MCM6: variants seen among roughly 807,000 people sequenced by gnomAD.
The protein encoded by MCM6 is DNA replication licensing factor MCM6.
Under a neutral mutation model 94.3 loss-of-function variants are expected in MCM6, and 46 were observed. That is an observed-to-expected ratio of 0.49 (90% CI 0.39 to 0.62). MCM6 has a LOEUF of 0.62. Ranked by LOEUF, MCM6 falls within the 20% of genes least tolerant of loss-of-function variation. The pLI, the probability that MCM6 is intolerant of heterozygous loss-of-function variation, is 0.00. For missense variants in MCM6, 865 were observed against 1,017.9 expected (o/e 0.85, Z 2.04); for synonymous variants, 335 against 351.9 (o/e 0.95, Z 0.54).
chr2:135,848,107 C>T lies in MCM6; in HGVS notation c.1999G>A (p.Asp667Asn). ...TCCATCTGGATCTCTTCCTCTTGATCTAGATTGACATCAGGTGTTTCCACA... is the reference window on the plus strand; with the variant it reads ...TCCATCTGGATCTCTTCCTCTTGATTTAGATTGACATCAGGTGTTTCCACA... ...IRVETPDVNL[D>N]QEEEIQMEVD... The change falls in exon 14 of 17, where the codon GAT becomes AAT. Residue 667 changes from aspartate to asparagine, a missense_variant. By Grantham distance (23) the Asp-to-Asn change is conservative (BLOSUM62 1). Coordinates refer to ENST00000264156, the MANE Select transcript of MCM6 (RefSeq NM_005915.6). 1 of 1,611,466 alleles carries T rather than the reference C, an allele frequency of 6.2e-7. No individual in the cohort carries two copies. The highest frequency in any genetic ancestry group is 8.5e-7 in the Non-Finnish European group (1 of 1,177,658).
At position 135,840,577 on chromosome 2, in the gene MCM6, T is replaced by G; in HGVS notation, c.*258A>C. 2.4e-6 allele frequency: 1 copy of G among 412,012 alleles called. No individual in the cohort carries two copies. Among genetic ancestry groups the G allele is most frequent in the South Asian group, 3.5e-5 (1 of 28,724 alleles). The allele number at this position is 412,012 out of a possible 1,614,324, so 25.5% of individuals were successfully genotyped here. ...TACACATGAAAACAAAGGTATTGGT[T>G]ATAGAGACTACACATTATTTGGTTC... On this transcript the variant is annotated 3_prime_UTR_variant, in exon 17 of 17. Coordinates refer to ENST00000264156, the MANE Select transcript of MCM6 (RefSeq NM_005915.6).
chr2:135,846,325 A>G lies in MCM6; in HGVS notation c.2121T>C (p.Ser707=). 1 of 1,614,118 alleles carries G rather than the reference A, an allele frequency of 6.2e-7. No individual in the cohort carries two copies. The highest frequency in any genetic ancestry group is 1.7e-5 in the Admixed American group (1 of 60,016). The change falls in exon 15 of 17, where the codon TCT becomes TCC. Residue 707 remains serine, a synonymous_variant. Coordinates refer to ENST00000264156, the MANE Select transcript of MCM6 (RefSeq NM_005915.6). Reference sequence around the variant, plus strand: ...CCAGCCTTAAGGAGGCTTTGGGAGCAGACTCTTGATTTATGTCTTCATTGT... The same window carrying G: ...CCAGCCTTAAGGAGGCTTTGGGAGCGGACTCTTGATTTATGTCTTCATTGT... ...NGYNEDINQE[S]APKASLRLGF... is the part of the protein sequence containing the mutation.
rs750328191 is a variant in MCM6, at chr2:135,844,594, A to G, written c.2300T>C (p.Ile767Thr). 2.5e-6 allele frequency: 4 copies of G among 1,582,528 alleles called. No homozygotes were observed. The East Asian group carries it at 7.0e-5, about 28-fold the overall frequency. Residue 767 changes from isoleucine (I) to threonine (T), a missense_variant, in exon 16 of 17, where the codon ATA (isoleucine) becomes ACA (threonine). This residue lies in a region of MCM6 where 308 missense variants were observed against 324.5 expected (regional missense o/e 0.95). Transcript: ENST00000264156. ...ESEIDSEEELINKKRIIEKVI... is the reference protein window; with the variant it reads ...ESEIDSEEELTNKKRIIEKVI... ...TTTCTCTATGATTCTTTTTTTATTT[A>G]TAAGTTCTTCTTCAGAGTCTATCTC...
At chr2:135,841,999 G>A (rs2105569355) in intron 16 of MCM6, among the ~76,000 whole-genome samples, 1 of 152,214 alleles carries the variant, frequency 6.6e-6, no homozygotes, top group Non-Finnish European at 1.5e-5. Flanking sequence ...CAGCTACTCT[G>A]GAGGCTGAGA....
chr2:135,860,468 A>G (rs952870884), intron 8 of MCM6, among the ~76,000 whole-genome samples: 3 of 152,216 alleles, frequency 2.0e-5, no homozygotes, highest in African/African-American at 4.8e-5. Flanking sequence ...TTTAATAGTA[A>G]TAAACAGCAA....
chr2:135,841,428 TAAAA>T, intron 16 of MCM6, among the ~76,000 whole-genome samples: 1 of 150,460 alleles, frequency 6.6e-6, no homozygotes, highest in East Asian at 1.9e-4. Flanking sequence ...TCTGAGCTAA[TAAAA>T]AAAAAGGTAG....
intron 16 of MCM6, among the ~76,000 whole-genome samples, chr2:135,841,954 A>G (rs1461713038): frequency 6.6e-6 from 1 of 151,978 alleles, no homozygotes; most frequent in African/African-American, 2.4e-5. Flanking sequence ...AAAATACAAA[A>G]ATTAGCTGGG....
Position 135,862,601 on chromosome 2 carries a change from G to C in MCM6, c.1220+6C>G. 6.2e-7 allele frequency: 1 copy of C among 1,613,972 alleles called. No homozygotes were observed. ...TCCTGCAACACTGTATCAGGCAAAC[G>C]CTTACTTGAGAAATTGGCTCTTAGC... is the stretch of plus-strand genomic sequence containing the variant. On this transcript the variant is annotated splice_donor_region_variant and intron_variant, in intron 8 of 16. Transcript: ENST00000264156.
chr2:135,848,151 A>G lies in MCM6; in HGVS notation c.1955T>C (p.Leu652Pro). The G allele has an allele frequency of 6.2e-7, 1 of 1,611,846 alleles. No individual in the cohort carries two copies. Residue 652 changes from leucine to proline, a missense_variant, in exon 14 of 17, where the codon CTG becomes CCG. By Grantham distance (98) the Leu-to-Pro change is moderately conservative. Coordinates refer to ENST00000264156, the MANE Select transcript of MCM6 (RefSeq NM_005915.6). ...PKHVKEAFRL[L>P]NKSIIRVETP... ...TTCCACACGGATGATTGATTTATTCAGTAACCGGAAAGCTTCCTTCACATG... is the reference window on the plus strand; with the variant it reads ...TTCCACACGGATGATTGATTTATTCGGTAACCGGAAAGCTTCCTTCACATG...
intron 1 of MCM6, 30 bp downstream of exon 1, chr2:135,876,229 G>A (rs1286031484): frequency 2.6e-6 from 4 of 1,538,640 alleles, no homozygotes; most frequent in Middle Eastern, 2.0e-4. Flanking sequence ...CTCCGGAGGC[G>A]GGCGAGGCCC....
chr2:135,876,380 G>A lies in MCM6; in HGVS notation c.-15C>T, dbSNP rs759228878. ...GCGAGGTCCATATTTGCTTAGTGCC[G>A]AGGATTCGCCTGCGCCACGCTCGAC... On this transcript the variant is annotated 5_prime_UTR_variant, in exon 1 of 17. Transcript: ENST00000264156. The A allele has an allele frequency of 1.9e-6, 3 of 1,590,202 alleles. No homozygotes were observed. The highest frequency in any genetic ancestry group is 2.7e-5 in the African/African-American group (2 of 74,166).
At chr2:135,841,973 C>G (rs181833279) in intron 16 of MCM6, among the ~76,000 whole-genome samples, 2 of 151,884 alleles carry the variant, frequency 1.3e-5, no homozygotes, top group African/African-American at 4.8e-5. Context: ...GGAGTGGTGG[C>G]GGGCACCTGT....
intron 13 of MCM6, among the ~76,000 whole-genome samples, chr2:135,849,456 T>C (rs1442310435): frequency 6.6e-6 from 1 of 152,228 alleles, no homozygotes; most frequent in Non-Finnish European, 1.5e-5. Flanking sequence ...CGTTACTGAA[T>C]AGGAAAAATC....
Position 135,843,618 on chromosome 2 carries a change from T to G in MCM6, c.2349+927A>C, listed in dbSNP as rs1346634571. On this transcript the variant is annotated intron_variant, in intron 16 of 16. Transcript: ENST00000264156. ...AGCCGGGCGTGGTGGCCGGCGCCTG[T>G]AATCCTACTTGGGAGGCTGAGACAG... 2.7e-5 allele frequency among the ~76,000 whole-genome samples: 4 copies of G among 150,074 alleles called. No homozygotes were observed. In the East Asian group the frequency reaches 7.8e-4, roughly 29 times the overall value.
chr2:135,876,251 C>A lies in MCM6; in HGVS notation c.107+8G>T, dbSNP rs1472167121. On this transcript the variant is annotated splice_region_variant and intron_variant, in intron 1 of 16. Coordinates refer to ENST00000264156, the MANE Select transcript of MCM6 (RefSeq NM_005915.6). ...GGCGGGCGAGGCCCGGGGCGCTCGC[C>A]GACTTACTCCTCCAAGAAGTCCAGG... is the stretch of plus-strand genomic sequence containing the variant. 6.3e-7 allele frequency: 1 copy of A among 1,590,920 alleles called. No homozygotes were observed. The highest frequency in any genetic ancestry group is 1.1e-5 in the South Asian group (1 of 89,088).
intron 16 of MCM6, among the ~76,000 whole-genome samples, chr2:135,843,512 C>T (rs1052879357): frequency 4.6e-5 from 7 of 151,844 alleles, no homozygotes; most frequent in Non-Finnish European, 8.8e-5. Context: ...GTGAGCGTAT[C>T]GCCTGAGGTT....
rs1248013806 is a variant in MCM6, at chr2:135,853,317, A to G, written c.1627-402T>C. On this transcript the variant is annotated intron_variant, in intron 11 of 16. Coordinates refer to ENST00000264156, the MANE Select transcript of MCM6 (RefSeq NM_005915.6). ...AAACTAGCTGGGCATGGTGGTGCACATGTGTAATCCCAGCTACTCAGGTGG... is the reference window on the plus strand; with the variant it reads ...AAACTAGCTGGGCATGGTGGTGCACGTGTGTAATCCCAGCTACTCAGGTGG... 2.0e-5 allele frequency among the ~76,000 whole-genome samples: 3 copies of G among 152,144 alleles called. No homozygotes were observed. The South Asian group carries it at 6.2e-4, about 31-fold the overall frequency.
At chr2:135,863,125 T>C (rs1043678447) in intron 7 of MCM6, among the ~76,000 whole-genome samples, 1 of 152,206 alleles carries the variant, frequency 6.6e-6, no homozygotes, top group Non-Finnish European at 1.5e-5. Context: ...TCCTTTTTAA[T>C]GCCAGTTCTT....
chr2:135,866,593 C>T lies in MCM6; in HGVS notation c.751G>A (p.Val251Met). Residue 251 changes from valine (V) to methionine (M), a missense_variant, in exon 5 of 17, where the codon GTG becomes ATG. Val to Met is a conservative substitution (Grantham distance 21). Around this residue, in one of 3 missense-constraint regions of MCM6, gnomAD observed 404 missense variants for 451.9 expected, o/e 0.89. Transcript: ENST00000264156. ...KCDFTGTLIV[V>M]PDVSKLSTPG... ...GTGCTAAGCTTGGAGACGTCAGGCA[C>T]AACAATCAGTGTCCCTGTAAAGTCA... 1 of 1,613,512 alleles carries T rather than the reference C, an allele frequency of 6.2e-7. No homozygotes were observed. Among genetic ancestry groups the T allele is most frequent in the Non-Finnish European group, 8.5e-7 (1 of 1,179,792 alleles).
Sources: allele counts gnomAD v4.1 joint callset (sites outside exome capture counted in the v4.1 genomes callset), GRCh38; gene constraint gnomAD v4.1.1; regional missense constraint gnomAD v4.1.1; transcripts MANE v1.5; gene names NCBI Gene and HGNC (gene_info 2026-07-23, HGNC 2026-07-21).